The following NCOR1 variants were observed in gnomAD, a reference collection of about 807,000 sequenced individuals.
NCOR1 encodes nuclear receptor corepressor 1, also known as protein phosphatase 1, regulatory subunit 109.
A neutral mutation model predicts 288.1 loss-of-function variants in NCOR1; 63 were observed. The ratio of observed to expected loss-of-function variants is 0.22; its 90% CI spans 0.18 to 0.27. The LOEUF is 0.27. Among genes scored for constraint, NCOR1 ranks in the 10% least tolerant of loss-of-function variants. The pLI, the probability that NCOR1 is intolerant of heterozygous loss-of-function variation, is 1.00. For missense variants in NCOR1, 2,397 were observed against 3,019.2 expected, an observed-to-expected ratio of 0.79 and a Z score of 4.83; for synonymous variants, 1,007 against 1,065.9, an observed-to-expected ratio of 0.94 and a Z score of 1.08.
Position 16,204,267 on chromosome 17 carries a change from T to C in NCOR1, c.-70-9628A>G, listed in dbSNP as rs1236122221. Among the ~76,000 whole-genome samples, 3 of 152,284 alleles carry C rather than the reference T, an allele frequency of 2.0e-5. No individual in the cohort carries two copies. The East Asian group carries it at 5.8e-4, about 29-fold the overall frequency. On this transcript the variant is annotated intron_variant, in intron 1 of 45. Coordinates refer to ENST00000268712, the MANE Select transcript of NCOR1 (RefSeq NM_006311.4). The stretch of plus-strand genomic sequence containing the variant: ...ATTCACTAAATGGTGCTGACACAAC[T>C]AGCTAGTTAGGGTAGAATTCACACA...
chr17:16,146,426 C>T lies in NCOR1; in HGVS notation c.1032G>A (p.Lys344=), dbSNP rs1421323124. 6.8e-6 allele frequency: 11 copies of T among 1,612,102 alleles called. No individual in the cohort carries two copies. The highest frequency in any genetic ancestry group is 9.3e-6 in the Non-Finnish European group (11 of 1,179,470). The change falls in exon 10 of 46, where the codon AAG becomes AAA. Residue 344 remains lysine (K), a synonymous_variant. Coordinates refer to ENST00000268712, the MANE Select transcript of NCOR1 (RefSeq NM_006311.4). The part of the protein sequence containing the change: ...KESKTREYYE[K]QFPEIRKQRE... Reference sequence around the variant, plus strand: ...TTTGTTTTCGAATTTCTGGAAACTGCTTTTCATAGTATTCCCTTGTTTTGC... The same window carrying T: ...TTTGTTTTCGAATTTCTGGAAACTGTTTTTCATAGTATTCCCTTGTTTTGC...
At position 16,101,665 on chromosome 17, in the gene NCOR1, T is replaced by C. The variant is rs2152998620; in HGVS notation, c.2275A>G (p.Thr759Ala). The change falls in exon 20 of 46, where the codon ACT becomes GCT. Residue 759 changes from threonine (T) to alanine (A), a missense_variant. Transcript: ENST00000268712. ...AAGGAGGGAGATGTACTGGGTGCAG[T>C]TTCCGTGGTGGGCTCAAGCTCAACC... ...PAVELEPTTE[T>A]APSTSPSLAV... 2 of 1,614,192 alleles carry C rather than the reference T, an allele frequency of 1.2e-6. No homozygotes were observed. The highest frequency in any genetic ancestry group is 1.7e-6 in the Non-Finnish European group (2 of 1,180,044).
At chr17:16,166,780 G>GA (rs2082105899) in intron 4 of NCOR1, among the ~76,000 whole-genome samples, 1 of 143,118 alleles carries the variant, frequency 7.0e-6, no homozygotes, top group Non-Finnish European at 1.5e-5. Context: ...AAAAATACAA[G>GA]AAAATTTGTC....
At chr17:16,129,907 G>A (rs925210634) in intron 14 of NCOR1, among the ~76,000 whole-genome samples, 5 of 152,202 alleles carry the variant, frequency 3.3e-5, no homozygotes, top group African/African-American at 9.6e-5. Flanking sequence ...GTAATCCCAC[G>A]CATTCCCTGC....
chr17:16,149,526 G>A lies in NCOR1; in HGVS notation c.843-9C>T. 7.1e-7 allele frequency: 1 copy of A among 1,400,036 alleles called. No individual in the cohort carries two copies. The highest frequency in any genetic ancestry group is 9.8e-7 in the Non-Finnish European group (1 of 1,015,694). 86.7% of individuals were successfully genotyped at this position (1,400,036 alleles called of 1,614,324 possible). The stretch of plus-strand genomic sequence containing the variant: ...TCCTCATCACCTGGTTTCTAGAAGA[G>A]AAAAATATGGTTGCATGACATTAAG... On this transcript the variant is annotated splice_polypyrimidine_tract_variant and intron_variant, in intron 8 of 45. Transcript: ENST00000268712.
rs564399860 is a variant in NCOR1 at position 16,111,994 on chromosome 17, C to T, written c.2056-3082G>A. Reference sequence around the variant, plus strand: ...AGGCCATTCTCCTGCCTCAGCCTCCCGAGTAGCTGGGACTACAGGTGCCCG... The same window carrying T: ...AGGCCATTCTCCTGCCTCAGCCTCCTGAGTAGCTGGGACTACAGGTGCCCG... On this transcript the variant is annotated intron_variant, in intron 18 of 45. Coordinates refer to ENST00000268712, the MANE Select transcript of NCOR1 (RefSeq NM_006311.4). Among the ~76,000 whole-genome samples, 433 of 152,176 alleles carry T rather than the reference C, an allele frequency of 2.8e-3. 3 individuals carry two copies. The highest frequency in any genetic ancestry group is 9.5e-3 in the African/African-American group (396 of 41,524).
At chr17:16,104,356 T>A (rs1461326912) in intron 19 of NCOR1, among the ~76,000 whole-genome samples, 1 of 152,238 alleles carries the variant, frequency 6.6e-6, no homozygotes, top group Admixed American at 6.5e-5. Context: ...TCAAATATGA[T>A]GAAGTGTCAA....
intron 1 of NCOR1, among the ~76,000 whole-genome samples, chr17:16,212,130 T>C (rs778795751): frequency 5.3e-5 from 8 of 152,024 alleles, no homozygotes; most frequent in Non-Finnish European, 1.0e-4. Flanking sequence ...CCAGGCATGG[T>C]GGCGCATGCC....
At position 16,086,269 on chromosome 17, in the gene NCOR1, G is replaced by C; in HGVS notation, c.3177+13C>G. 2 of 1,611,780 alleles carry C rather than the reference G, an allele frequency of 1.2e-6. No individual in the cohort carries two copies. The highest frequency in any genetic ancestry group is 1.7e-6 in the Non-Finnish European group (2 of 1,178,568). On this transcript the variant is annotated intron_variant, in intron 23 of 45. Transcript: ENST00000268712. ...TTCAACAAGAAATCTACTGTAAAGA[G>C]AAGTCGTTTCACCTGTGAGATGGAG...
intron 14 of NCOR1, among the ~76,000 whole-genome samples, chr17:16,126,826 C>T (rs967256611): frequency 1.3e-5 from 2 of 152,114 alleles, no homozygotes; most frequent in African/African-American, 4.8e-5. Flanking sequence ...TTTGCAAAAC[C>T]TGTGACTCTA....
chr17:16,094,402 T>C (rs2065953128), intron 21 of NCOR1, among the ~76,000 whole-genome samples: 2 of 152,234 alleles, frequency 1.3e-5, no homozygotes, highest in Non-Finnish European at 2.9e-5. Flanking sequence ...TACCACTTAT[T>C]ATTTGAGATA....
Position 16,031,121 on chromosome 17 carries a change from A to C in NCOR1, c.*1175T>G, listed in dbSNP as rs1971904796. ...AATTAGTTTAGAATTCAGTCTTTTA[A>C]ATTATTTGCACCTTGAGACTCTGTG... is the stretch of plus-strand genomic sequence containing the variant. On this transcript the variant is annotated 3_prime_UTR_variant, in exon 46 of 46. Coordinates refer to ENST00000268712, the MANE Select transcript of NCOR1 (RefSeq NM_006311.4). 1.0e-5 allele frequency: 2 copies of C among 193,652 alleles called. No individual in the cohort carries two copies. Among genetic ancestry groups the C allele is most frequent in the South Asian group, 3.9e-4 (2 of 5,178 alleles). The allele number at this position is 193,652 out of a possible 1,614,324, so 12.0% of individuals were successfully genotyped here. A position where few individuals can be genotyped will look rare whatever the true frequency, so the allele number is the denominator to read the frequency against.
Position 16,126,076 on chromosome 17 carries a change from A to G in NCOR1, c.1634+6T>C, listed in dbSNP as rs752349259. On this transcript the variant is annotated splice_donor_region_variant and intron_variant, in intron 15 of 45. Coordinates refer to ENST00000268712, the MANE Select transcript of NCOR1 (RefSeq NM_006311.4). ...AACTTATTATATAACTAATTATTTA[A>G]CTCACTTGGAGTCTTCTTTTTCATC... is the stretch of plus-strand genomic sequence containing the variant. 2 of 1,168,372 alleles carry G rather than the reference A, an allele frequency of 1.7e-6. No homozygotes were observed. The highest frequency in any genetic ancestry group is 5.3e-5 in the East Asian group (2 of 37,462). 72.4% of individuals were successfully genotyped at this position (1,168,372 alleles called of 1,614,324 possible). A position where few individuals can be genotyped will look rare whatever the true frequency, so the allele number is the denominator to read the frequency against.
At chr17:16,098,257 T>C in intron 21 of NCOR1, 110 bp downstream of exon 21, 2 of 1,077,244 alleles carry the variant, frequency 1.9e-6, no homozygotes, top group South Asian at 2.8e-5. Context: ...TCATGTTATG[T>C]TTTGTACCAC....
intron 6 of NCOR1, among the ~76,000 whole-genome samples, chr17:16,155,393 C>CACACACACACACACA (rs200326632): frequency 1.3e-5 from 2 of 149,010 alleles, no homozygotes; most frequent in African/African-American, 5.0e-5. Context: ...ACACACACAC[C>CACACACACACACACA]CACAAAGATA....
In NCOR1 at chr17:16,101,767, G is replaced by A. The variant is rs1306828458; in HGVS notation, c.2183-10C>T. ...GGCTTGACAGCTTCAACTGGTGAAGGAGAAGGAGCACTTTCTGTATCAGAA... is the reference window on the plus strand; with the variant it reads ...GGCTTGACAGCTTCAACTGGTGAAGAAGAAGGAGCACTTTCTGTATCAGAA... On this transcript the variant is annotated splice_polypyrimidine_tract_variant and intron_variant, in intron 19 of 45. Coordinates refer to ENST00000268712, the MANE Select transcript of NCOR1 (RefSeq NM_006311.4). 3 of 1,614,060 alleles carry A rather than the reference G, an allele frequency of 1.9e-6. No individual in the cohort carries two copies. The highest frequency in any genetic ancestry group is 2.2e-5 in the East Asian group (1 of 44,876).
chr17:16,050,898 A>G (rs964939138), intron 40 of NCOR1, among the ~76,000 whole-genome samples: 1 of 151,990 alleles, frequency 6.6e-6, no homozygotes, highest in Non-Finnish European at 1.5e-5. Context: ...CAGTAGTACA[A>G]TCACTGCTTA....
At chr17:16,194,351 T>C (rs967589188) in intron 2 of NCOR1, 111 bp downstream of exon 2, 10 of 516,982 alleles carry the variant, frequency 1.9e-5, no homozygotes, top group African/African-American at 1.6e-4. Flanking sequence ...TCTTGCAACT[T>C]AAAAAAAAAA....
chr17:16,136,458 C>G (rs1358338218), intron 14 of NCOR1, among the ~76,000 whole-genome samples: 1 of 152,144 alleles, frequency 6.6e-6, no homozygotes, highest in Admixed American at 6.5e-5. Context: ...TCCCAAAGTA[C>G]GGGGATTACA....
Sources: gnomAD v4.1 joint callset for allele counts (sites outside exome capture counted in the v4.1 genomes callset) on GRCh38, gnomAD v4.1.1 for gene constraint, MANE v1.5 for transcripts, NCBI Gene and HGNC (gene_info 2026-07-23, HGNC 2026-07-21) for gene names.